Variants in IGHMBP2 observed in about 807,000 individuals in gnomAD.
The protein encoded by IGHMBP2 is immunoglobulin mu DNA binding protein 2, also known as DNA-binding protein SMUBP-2.
Under a neutral mutation model 96.0 loss-of-function variants are expected in IGHMBP2, and 81 were observed. The ratio of observed to expected loss-of-function variants is 0.84; its 90% CI spans 0.71 to 1.01. IGHMBP2 has a LOEUF of 1.01. IGHMBP2 is among the 50% of genes least tolerant of loss of function. IGHMBP2 has a pLI of 0.00. For missense variants in IGHMBP2, 1,227 were observed against 1,306.3 expected (o/e 0.94, Z 0.94); for synonymous variants, 557 against 548.9 (o/e 1.01, Z -0.21).
In IGHMBP2 at chr11:68,908,602, G is replaced by A; in HGVS notation, c.518G>A (p.Arg173Lys). 1.9e-6 allele frequency: 3 copies of A among 1,613,710 alleles called. No individual in the cohort carries two copies. Among genetic ancestry groups the A allele is most frequent in the Non-Finnish European group, 2.5e-6 (3 of 1,179,632 alleles). Residue 173 changes from arginine (R) to lysine (K), a missense_variant, in exon 4 of 15, where the codon AGA becomes AAA. Transcript: ENST00000255078. ...ASSLIEVLFG[R>K]SAPSPASEIH... ...TCACTCATAGAAGTGCTCTTTGGCA[G>A]ATCTGCTCCCAGTCCTGCCAGTGAA...
chr11:68,917,948 C>G (rs1197833002), intron 7 of IGHMBP2, 65 bp downstream of exon 7: 8 of 1,541,986 alleles, frequency 5.2e-6, no homozygotes, highest in Non-Finnish European at 7.2e-6. Context: ...GTTCCCTCTT[C>G]TGTTTTCTGG....
At chr11:68,921,488 A>G (rs771949778) in intron 7 of IGHMBP2, among the ~76,000 whole-genome samples, 40 of 152,172 alleles carry the variant, frequency 2.6e-4, no homozygotes, top group Non-Finnish European at 5.3e-4. Flanking sequence ...TCTTCAACTC[A>G]TCATAGTCTG....
At chr11:68,913,043 CAAAAAAA>C (rs71043469) in intron 5 of IGHMBP2, among the ~76,000 whole-genome samples, 26 of 37,480 alleles carry the variant, frequency 6.9e-4, no homozygotes, top group South Asian at 3.6e-3. Context: ...ACTCCATCTC[CAAAAAAA>C]AAAAAAAAAA....
chr11:68,931,331 A>G (rs1174067251), intron 8 of IGHMBP2, among the ~76,000 whole-genome samples: 1 of 151,974 alleles, frequency 6.6e-6, no homozygotes, highest in Non-Finnish European at 1.5e-5. Context: ...AGAGCTCCCG[A>G]CCCACCACCT....
At chr11:68,905,968 A>C in intron 1 of IGHMBP2, 101 bp from the exon 2 acceptor site, 5 of 1,186,922 alleles carry the variant, frequency 4.2e-6, no homozygotes, top group Non-Finnish European at 6.3e-6. Flanking sequence ...AGTGCCTGTG[A>C]GTAGATCTTT....
At chr11:68,916,173 CAAA>C (rs950180472) in intron 6 of IGHMBP2, among the ~76,000 whole-genome samples, 21 of 146,642 alleles carry the variant, frequency 1.4e-4, no homozygotes, top group Non-Finnish European at 3.2e-4. Context: ...GACTCCGTCT[CAAA>C]AAAAAAACCA....
At position 68,917,846 on chromosome 11, in the gene IGHMBP2, C is replaced by A. The variant is rs547681612; in HGVS notation, c.1023C>A (p.Ser341Arg). ...GGGAAGAAGCAGCTATGCTCGAGAGCCTCACTTCGGCAAACGTGGTCCTTG... is the reference window on the plus strand; with the variant it reads ...GGGAAGAAGCAGCTATGCTCGAGAGACTCACTTCGGCAAACGTGGTCCTTG... ...KEREEAAMLE[S>R]LTSANVVLAT... The change falls in exon 7 of 15, where the codon AGC (serine) becomes AGA (arginine). Residue 341 changes from serine to arginine, a missense_variant. Coordinates refer to ENST00000255078, the MANE Select transcript of IGHMBP2 (RefSeq NM_002180.3). 1 of 1,614,122 alleles carries A rather than the reference C, an allele frequency of 6.2e-7. No homozygotes were observed. Among genetic ancestry groups the A allele is most frequent in the South Asian group, 1.1e-5 (1 of 91,088 alleles).
intron 10 of IGHMBP2, chr11:68,934,224 C>T (rs752719863): frequency 2.4e-4 from 150 of 626,914 alleles, no homozygotes; most frequent in Non-Finnish European, 1.7e-4. Flanking sequence ...CCCAGTTCCA[C>T]GTTGAACAGG....
In IGHMBP2 at chr11:68,929,250, G is replaced by A. The variant is rs1250441511; in HGVS notation, c.1128G>A (p.Glu376=). ...ESYFDVVVID[E]CAQALEASCW... is the part of the protein sequence containing the mutation. ...ACTTCGACGTGGTGGTCATTGACGA[G>A]TGTGCCCAGGCCCTCGAGGCGAGCT... is the stretch of plus-strand genomic sequence containing the variant. The change falls in exon 8 of 15, where the codon GAG becomes GAA. Residue 376 remains glutamate, a synonymous_variant. Coordinates refer to ENST00000255078, the MANE Select transcript of IGHMBP2 (RefSeq NM_002180.3). 1 of 1,613,810 alleles carries A rather than the reference G, an allele frequency of 6.2e-7. No homozygotes were observed. Among genetic ancestry groups the A allele is most frequent in the East Asian group, 2.2e-5 (1 of 44,894 alleles).
At position 68,934,497 on chromosome 11, in the gene IGHMBP2, C is replaced by G. The variant is rs765910967; in HGVS notation, c.1571C>G (p.Ala524Gly). 4.3e-6 allele frequency: 7 copies of G among 1,612,582 alleles called. No individual in the cohort carries two copies. The highest frequency in any genetic ancestry group is 3.3e-5 in the Admixed American group (2 of 59,860). Reference sequence around the variant, plus strand: ...CGCCTCGTCAGTTTGCACATCCAGGCTCTGGTGGACGCTGGTGTTCCAGCC... The same window carrying G: ...CGCCTCGTCAGTTTGCACATCCAGGGTCTGGTGGACGCTGGTGTTCCAGCC... ...EVRLVSLHIQALVDAGVPARD... is the reference protein window; with the variant it reads ...EVRLVSLHIQGLVDAGVPARD... The change falls in exon 11 of 15, where the codon GCT becomes GGT. Residue 524 changes from alanine (A) to glycine (G), a missense_variant. By Grantham distance (60) the Ala-to-Gly change is moderately conservative. Transcript: ENST00000255078.
chr11:68,913,520 A>G (rs995829788), intron 5 of IGHMBP2, among the ~76,000 whole-genome samples: 10 of 151,672 alleles, frequency 6.6e-5, no homozygotes, highest in Admixed American at 2.6e-4. Flanking sequence ...GGGTCTCACT[A>G]TGTTGTCCAG....
chr11:68,927,149 A>G (rs1859103695), intron 7 of IGHMBP2, among the ~76,000 whole-genome samples: 1 of 152,198 alleles, frequency 6.6e-6, no homozygotes, highest in South Asian at 2.1e-4. Context: ...TTTGTTGAAA[A>G]TGGATGATTT....
intron 8 of IGHMBP2, chr11:68,929,754 C>T (rs1313180910): frequency 1.1e-5 from 11 of 985,322 alleles, no homozygotes; most frequent in Non-Finnish European, 1.3e-5. Context: ...GTAGACACAT[C>T]CCTGGATGGA....
intron 10 of IGHMBP2, 161 bp downstream of exon 10, chr11:68,934,074 G>T: frequency 1.5e-6 from 1 of 685,834 alleles, no homozygotes; most frequent in Admixed American, 2.1e-5. Context: ...GAGCAGCATC[G>T]TTTTCTCCAG....
chr11:68,906,021 G>C, intron 1 of IGHMBP2, 48 bp from the exon 2 acceptor site: 1 of 1,576,538 alleles, frequency 6.3e-7, no homozygotes, highest in Non-Finnish European at 8.7e-7. Flanking sequence ...GTGGGTGGAA[G>C]TAGAAACTAG....
At chr11:68,925,782 T>A (rs1859043834) in intron 7 of IGHMBP2, among the ~76,000 whole-genome samples, 1 of 152,196 alleles carries the variant, frequency 6.6e-6, no homozygotes, top group African/African-American at 2.4e-5. Context: ...TTCCATTGCC[T>A]GCATACTTTC....
At chr11:68,932,117 G>C (rs1408796140) in intron 8 of IGHMBP2, among the ~76,000 whole-genome samples, 1 of 149,876 alleles carries the variant, frequency 6.7e-6, no homozygotes, top group East Asian at 2.0e-4. Context: ...ATGGTTTCGG[G>C]GGAAGACGTT....
intron 13 of IGHMBP2, chr11:68,937,665 T>C (rs1165477273): frequency 4.3e-6 from 1 of 230,032 alleles, no homozygotes; most frequent in Non-Finnish European, 8.7e-6. Flanking sequence ...AGGCATACGC[T>C]GGCAGAGCGT....
chr11:68,938,699 G>T (rs571043299), intron 14 of IGHMBP2, among the ~76,000 whole-genome samples: 13 of 152,130 alleles, frequency 8.5e-5, no homozygotes, highest in African/African-American at 2.9e-4. Flanking sequence ...ATCTGAGCTG[G>T]CCATGGCCCG....
Sources: gnomAD v4.1 joint callset for allele counts (sites outside exome capture counted in the v4.1 genomes callset) on GRCh38, gnomAD v4.1.1 for gene constraint, MANE v1.5 for transcripts, NCBI Gene and HGNC (gene_info 2026-07-23, HGNC 2026-07-21) for gene names.